The following GALNT13 variants were observed in gnomAD, a reference collection of about 807,000 sequenced individuals.
GALNT13 encodes the protein polypeptide N-acetylgalactosaminyltransferase 13.
GALNT13 carries 28 observed loss-of-function variants against 64.2 expected under a neutral mutation model. The observed-to-expected ratio is 0.44, with a 90% CI of 0.32 to 0.60. GALNT13 has a LOEUF of 0.60. Ranked by LOEUF, GALNT13 falls within the 20% of genes least tolerant of loss-of-function variation. The pLI is 0.05. For missense variants in GALNT13, 577 were observed against 669.8 expected, an observed-to-expected ratio of 0.86 and a Z score of 1.53; for synonymous variants, 214 against 224.6, an observed-to-expected ratio of 0.95 and a Z score of 0.42.
At chr2:154,265,034 AATAGATG>A (rs1690914993) in intron 8 of GALNT13, among the ~76,000 whole-genome samples, 1 of 151,412 alleles carries the variant, frequency 6.6e-6, no homozygotes, top group Non-Finnish European at 1.5e-5. Flanking sequence ...AGATCAATAA[AATAGATG>A]ATATTTTAGC....
chr2:154,110,841 A>T (rs750149366), intron 3 of GALNT13, among the ~76,000 whole-genome samples: 1 of 152,156 alleles, frequency 6.6e-6, no homozygotes, highest in Non-Finnish European at 1.5e-5. Flanking sequence ...TCCTGAGGTT[A>T]TACATAATCT....
the GALNT13 span, among the ~76,000 whole-genome samples, chr2:153,695,855 A>T: frequency 6.6e-6 from 1 of 152,138 alleles, no homozygotes; most frequent in Non-Finnish European, 1.5e-5. Context: ...TGCTCTAGAT[A>T]ATTTTTGTTT....
chr2:153,366,382 T>G, the GALNT13 span, among the ~76,000 whole-genome samples: 1 of 151,974 alleles, frequency 6.6e-6, no homozygotes, highest in Non-Finnish European at 1.5e-5. Flanking sequence ...GTTTTGCACA[T>G]CTATCCCGGA....
rs557791382 is a variant in GALNT13 at position 154,196,048 on chromosome 2, A to G, written c.312-45982A>G. On this transcript the variant is annotated intron_variant, in intron 4 of 12. Transcript: ENST00000392825. Reference sequence around the variant, plus strand: ...GTGAGTCAGTTCAAACCAATGAGACATTGCAAATATTTGCTGGTGTCTTTT... The same window carrying G: ...GTGAGTCAGTTCAAACCAATGAGACGTTGCAAATATTTGCTGGTGTCTTTT... Among the ~76,000 whole-genome samples, 5 of 152,342 alleles carry G rather than the reference A, an allele frequency of 3.3e-5. No homozygotes were observed. The East Asian group carries it at 7.7e-4, about 24-fold the overall frequency.
At chr2:154,156,479 A>T (rs1382688998) in intron 4 of GALNT13, among the ~76,000 whole-genome samples, 1 of 152,146 alleles carries the variant, frequency 6.6e-6, no homozygotes, top group African/African-American at 2.4e-5. Context: ...ATCAATATTT[A>T]TTGAATTTTT....
At chr2:153,647,240 C>T in the GALNT13 span, among the ~76,000 whole-genome samples, 4 of 152,100 alleles carry the variant, frequency 2.6e-5, no homozygotes, top group Non-Finnish European at 5.9e-5. Flanking sequence ...TTTCATGTAT[C>T]TGTTGGCTGC....
chr2:153,667,001 T>A, the GALNT13 span, among the ~76,000 whole-genome samples: 1 of 152,138 alleles, frequency 6.6e-6, no homozygotes, highest in African/African-American at 2.4e-5. Flanking sequence ...ATACAATTAG[T>A]ATTAATAGCA....
the GALNT13 span, among the ~76,000 whole-genome samples, chr2:153,615,431 G>GT: frequency 1.3e-4 from 19 of 151,926 alleles, no homozygotes; most frequent in Non-Finnish European, 2.4e-4. Context: ...TCAATTTTTA[G>GT]TTTTTTGAGG....
Position 154,151,289 on chromosome 2 carries a change from G to A in GALNT13, c.311+10784G>A, listed in dbSNP as rs568601250. On this transcript the variant is annotated intron_variant, in intron 4 of 12. Coordinates refer to ENST00000392825, the MANE Select transcript of GALNT13 (RefSeq NM_052917.4). ...TTCTAATTAGATTGCACTGTGGTCT[G>A]AGAGACAGTTTGTTATAATTTCTGT... Among the ~76,000 whole-genome samples the A allele has an allele frequency of 3.3e-5, 5 of 152,290 alleles. No homozygotes were observed. In the South Asian group the frequency reaches 6.2e-4, roughly 19 times the overall value.
At chr2:153,735,386 T>G in the GALNT13 span, among the ~76,000 whole-genome samples, 1 of 152,090 alleles carries the variant, frequency 6.6e-6, no homozygotes, top group Non-Finnish European at 1.5e-5. Context: ...ACACACAAAA[T>G]AAGCTGCCTT....
At chr2:154,030,806 A>G (rs1024933946) in intron 3 of GALNT13, among the ~76,000 whole-genome samples, 2 of 151,778 alleles carry the variant, frequency 1.3e-5, no homozygotes, top group African/African-American at 4.8e-5. Flanking sequence ...TTTCCCCTTC[A>G]CCTTCTGCCA....
At chr2:154,347,420 A>G (rs1460107043) in intron 9 of GALNT13, among the ~76,000 whole-genome samples, 3 of 152,082 alleles carry the variant, frequency 2.0e-5, no homozygotes, top group East Asian at 3.8e-4. Flanking sequence ...TTAAATTTTT[A>G]TGTACTTAAA....
the GALNT13 span, among the ~76,000 whole-genome samples, chr2:153,394,971 A>G: frequency 7.9e-5 from 12 of 151,966 alleles, no homozygotes; most frequent in Non-Finnish European, 1.5e-5. Context: ...AAGCTTTCTC[A>G]CTTTGTTGGC....
At chr2:153,416,952 G>T in the GALNT13 span, among the ~76,000 whole-genome samples, 3 of 152,168 alleles carry the variant, frequency 2.0e-5, no homozygotes, top group Non-Finnish European at 4.4e-5. Flanking sequence ...AAGGGCTTCT[G>T]AGCATATCGC....
intron 4 of GALNT13, among the ~76,000 whole-genome samples, chr2:154,202,953 C>T (rs1428570265): frequency 1.3e-5 from 2 of 152,062 alleles, no homozygotes; most frequent in African/African-American, 2.4e-5. Context: ...TATGTAATTT[C>T]GGTGAATCTG....
intron 1 of GALNT13, among the ~76,000 whole-genome samples, chr2:153,898,166 C>G (rs963819988): frequency 6.6e-6 from 1 of 152,038 alleles, no homozygotes; most frequent in African/African-American, 2.4e-5. Context: ...AAATTGGTGT[C>G]TAATTTTCTG....
At chr2:153,269,450 G>A in the GALNT13 span, among the ~76,000 whole-genome samples, 1 of 152,052 alleles carries the variant, frequency 6.6e-6, no homozygotes, top group Non-Finnish European at 1.5e-5. Flanking sequence ...CCCTTAATCT[G>A]GACTTCATTG....
In GALNT13 at chr2:154,400,491, T is replaced by A. The variant is rs114361455; in HGVS notation, c.1296+4361T>A. ...TCCTTTTATAACTTTCCTTGCTGTATTGGAATATATAGAGGCAAATATGGT... is the reference window on the plus strand; with the variant it reads ...TCCTTTTATAACTTTCCTTGCTGTAATGGAATATATAGAGGCAAATATGGT... On this transcript the variant is annotated intron_variant, in intron 10 of 12. Transcript: ENST00000392825. Among the ~76,000 whole-genome samples the A allele has an allele frequency of 5.0e-3, 764 of 152,286 alleles. 8 individuals carry two copies. Among genetic ancestry groups the A allele is most frequent in the African/African-American group, 0.017 (711 of 41,582 alleles).
At chr2:153,751,656 T>G in the GALNT13 span, among the ~76,000 whole-genome samples, 1 of 151,974 alleles carries the variant, frequency 6.6e-6, no homozygotes, top group Non-Finnish European at 1.5e-5. Context: ...TTCTGTCCTT[T>G]TTTAGTTTCT....
Sources: allele counts gnomAD v4.1 joint callset (sites outside exome capture counted in the v4.1 genomes callset), GRCh38; gene constraint gnomAD v4.1.1; transcripts MANE v1.5; gene names NCBI Gene and HGNC (gene_info 2026-07-23, HGNC 2026-07-21).